Variants in DMXL1 observed in about 807,000 individuals in gnomAD.
DMXL1 encodes Dmx like 1.
A neutral mutation model predicts 319.2 loss-of-function variants in DMXL1; 99 were observed. The observed-to-expected ratio is 0.31, with a 90% CI of 0.26 to 0.37. The LOEUF (loss-of-function observed/expected upper bound fraction) is 0.37, where lower values mean the gene tolerates loss of function less well. Ranked by LOEUF, DMXL1 falls within the 10% of genes least tolerant of loss-of-function variation. DMXL1 has a pLI of 1.00. For synonymous variants in DMXL1, 1,385 were observed against 1,235.2 expected (o/e 1.12, Z -2.54); for missense variants, 3,745 against 3,595.6 (o/e 1.04, Z -1.06).
intron 28 of DMXL1, among the ~76,000 whole-genome samples, chr5:119,182,555 A>G (rs901971924): frequency 5.3e-5 from 8 of 152,128 alleles, no homozygotes; most frequent in African/African-American, 1.7e-4. Context: ...CATGAACTAG[A>G]TTATATTTCT....
At position 119,177,409 on chromosome 5, in the gene DMXL1, C is replaced by T; in HGVS notation, c.6811C>T (p.Pro2271Ser). Reference sequence around the variant, plus strand: ...AATGGTATATCAGACAGTACTGCTTCCTCATCGACCTTCTTTGAAAACAGG... The same window carrying T: ...AATGGTATATCAGACAGTACTGCTTTCTCATCGACCTTCTTTGAAAACAGG... ...TGMVYQTVLLPHRPSLKTGSL... is the reference protein window; with the variant it reads ...TGMVYQTVLLSHRPSLKTGSL... The change falls in exon 27 of 44, where the codon CCT becomes TCT. Residue 2271 changes from proline to serine, a missense_variant. This residue lies in a region of DMXL1 where 1,382 missense variants were observed against 1,269.5 expected (regional missense o/e 1.09). Coordinates refer to ENST00000539542, the MANE Select transcript of DMXL1 (RefSeq NM_001290321.3). 1 of 1,608,800 alleles carries T rather than the reference C, an allele frequency of 6.2e-7. No homozygotes were observed. The highest frequency in any genetic ancestry group is 8.5e-7 in the Non-Finnish European group (1 of 1,176,782).
chr5:119,086,337 G>A (rs183954793), intron 1 of DMXL1, among the ~76,000 whole-genome samples: 1 of 152,288 alleles, frequency 6.6e-6, no homozygotes, highest in East Asian at 1.9e-4. Flanking sequence ...TTTGGGTGGG[G>A]ACACAGAGCC....
rs534347639 is a variant in DMXL1 at position 119,197,094 on chromosome 5, G to T, written c.7543+638G>T. On this transcript the variant is annotated intron_variant, in intron 31 of 43. Coordinates refer to ENST00000539542, the MANE Select transcript of DMXL1 (RefSeq NM_001290321.3). ...GATCAGTACTCAAGAGTATGGATGG[G>T]CAGAACTGCTAAGTGCTGAGTTCCA... Among the ~76,000 whole-genome samples the T allele has an allele frequency of 3.6e-4, 55 of 152,278 alleles. 1 individual carries two copies. In the South Asian group the frequency reaches 0.011, roughly 30 times the overall value.
chr5:119,185,396 T>C (rs139987762), intron 28 of DMXL1, among the ~76,000 whole-genome samples: 181 of 152,292 alleles, frequency 1.2e-3, no homozygotes, highest in African/African-American at 4.1e-3. Context: ...TTTATAGATA[T>C]TTATGGAGCC....
chr5:119,095,310 A>G (rs1047164123), intron 1 of DMXL1, among the ~76,000 whole-genome samples: 7 of 152,236 alleles, frequency 4.6e-5, no homozygotes, highest in Admixed American at 4.6e-4. Flanking sequence ...AAGTCATTGA[A>G]TGATGAAGTG....
chr5:119,197,728 T>A, intron 31 of DMXL1, 27 bp from the exon 32 acceptor site: 4 of 1,607,558 alleles, frequency 2.5e-6, no homozygotes, highest in Non-Finnish European at 3.4e-6. Flanking sequence ...TGCATAAGAT[T>A]AATATGAGTC....
intron 5 of DMXL1, among the ~76,000 whole-genome samples, chr5:119,112,905 G>A (rs1190200037): frequency 1.3e-5 from 2 of 151,210 alleles, no homozygotes; most frequent in South Asian, 2.1e-4. Context: ...ACAATGAGCC[G>A]AGATCACACC....
intron 9 of DMXL1, among the ~76,000 whole-genome samples, chr5:119,123,255 A>C (rs1325365273): frequency 6.6e-6 from 1 of 151,482 alleles, no homozygotes; most frequent in Non-Finnish European, 1.5e-5. Context: ...TGGCGGCAGT[A>C]CAGTCCAGCT....
chr5:119,168,742 C>G (rs1773946127), intron 23 of DMXL1, among the ~76,000 whole-genome samples: 1 of 151,880 alleles, frequency 6.6e-6, no homozygotes, highest in African/African-American at 2.4e-5. Flanking sequence ...AAATTAGACA[C>G]AGTATCTTGC....
intron 34 of DMXL1, among the ~76,000 whole-genome samples, chr5:119,212,970 T>C (rs1014871401): frequency 1.3e-5 from 2 of 152,112 alleles, no homozygotes; most frequent in African/African-American, 4.8e-5. Flanking sequence ...TTCCCAAACC[T>C]TCTTAAACCC....
chr5:119,143,848 TTGG>T lies in DMXL1; in HGVS notation c.2387_2389del (p.Gly796del), dbSNP rs1561707219. 1 of 1,573,208 alleles carries T rather than the reference TTGG, an allele frequency of 6.4e-7. No individual in the cohort carries two copies. Among genetic ancestry groups the T allele is most frequent in the Non-Finnish European group, 8.6e-7 (1 of 1,161,130 alleles). On this transcript the variant is annotated inframe_deletion, in exon 14 of 44. Transcript: ENST00000539542. ...TTTTTTTAAAAAAAACAGAAATATG[TTGG>T]TGAAGTCTTTAACATCGTCAGTCAA... is the stretch of plus-strand genomic sequence containing the variant.
rs185857397 is a variant in DMXL1, at chr5:119,194,108, G to A, written c.7457+138G>A. ...AACCCAGATTTCTTTAGTTGAAATT[G>A]TTAAATTCCTTTCCTTAACAATAAT... On this transcript the variant is annotated intron_variant, in intron 30 of 43. Coordinates refer to ENST00000539542, the MANE Select transcript of DMXL1 (RefSeq NM_001290321.3). 2.2e-5 allele frequency: 12 copies of A among 556,616 alleles called. No individual in the cohort carries two copies. In the East Asian group the frequency reaches 4.0e-4, roughly 18 times the overall value. The allele number at this position is 556,616 out of a possible 1,614,324, so 34.5% of individuals were successfully genotyped here.
At position 119,151,958 on chromosome 5, in the gene DMXL1, A is replaced by C; in HGVS notation, c.4624A>C (p.Lys1542Gln). The C allele has an allele frequency of 6.2e-7, 1 of 1,613,086 alleles. No individual in the cohort carries two copies. Among genetic ancestry groups the C allele is most frequent in the Non-Finnish European group, 8.5e-7 (1 of 1,179,462 alleles). ...AGAAACTCTTGATGAATGTGGGTTAAAATTTCTTTTGGCTGTTCGACTCCA... is the reference window on the plus strand; with the variant it reads ...AGAAACTCTTGATGAATGTGGGTTACAATTTCTTTTGGCTGTTCGACTCCA... The part of the protein sequence containing the change: ...GGETLDECGL[K>Q]FLLAVRLHTF... The change falls in exon 19 of 44, where the codon AAA (lysine) becomes CAA (glutamine). Residue 1542 changes from lysine (K) to glutamine (Q), a missense_variant. Coordinates refer to ENST00000539542, the MANE Select transcript of DMXL1 (RefSeq NM_001290321.3).
chr5:119,221,026 C>G lies in DMXL1; in HGVS notation c.8222C>G (p.Thr2741Ser). 1 of 1,613,870 alleles carries G rather than the reference C, an allele frequency of 6.2e-7. No homozygotes were observed. The highest frequency in any genetic ancestry group is 8.5e-7 in the Non-Finnish European group (1 of 1,179,848). Residue 2741 changes from threonine to serine, a missense_variant, in exon 37 of 44, where the codon ACT becomes AGT. Around this residue, in one of 4 missense-constraint regions of DMXL1, gnomAD observed 1,382 missense variants for 1,269.5 expected, o/e 1.09. Coordinates refer to ENST00000539542, the MANE Select transcript of DMXL1 (RefSeq NM_001290321.3). Reference sequence around the variant, plus strand: ...CCATATACACATAGCAATCCTGGCACTCCAATCAACATGCCATGGCTTGGT... The same window carrying G: ...CCATATACACATAGCAATCCTGGCAGTCCAATCAACATGCCATGGCTTGGT... ...TTPYTHSNPGTPINMPWLGST... is the reference protein window; with the variant it reads ...TTPYTHSNPGSPINMPWLGST...
At position 119,085,236 on chromosome 5, in the gene DMXL1, C is replaced by T. The variant is rs547809970; in HGVS notation, c.88-12743C>T. 1.8e-4 allele frequency among the ~76,000 whole-genome samples: 28 copies of T among 151,872 alleles called. No homozygotes were observed. The South Asian group carries it at 5.4e-3, about 29-fold the overall frequency. On this transcript the variant is annotated intron_variant, in intron 1 of 43. Coordinates refer to ENST00000539542, the MANE Select transcript of DMXL1 (RefSeq NM_001290321.3). Reference sequence around the variant, plus strand: ...GTCCTAGCTACTCGTGAGACTGAGGCGTGAGAATCGCTTGAACCCGGGAGG... The same window carrying T: ...GTCCTAGCTACTCGTGAGACTGAGGTGTGAGAATCGCTTGAACCCGGGAGG...
chr5:119,165,090 C>A, intron 20 of DMXL1, 93 bp from the exon 21 acceptor site: 1 of 715,930 alleles, frequency 1.4e-6, no homozygotes, highest in Non-Finnish European at 2.4e-6. Flanking sequence ...TTTTATTAAA[C>A]ATTCAATGGA....
chr5:119,151,944 A>G lies in DMXL1; in HGVS notation c.4610A>G (p.Asp1537Gly). 1 of 1,612,202 alleles carries G rather than the reference A, an allele frequency of 6.2e-7. No individual in the cohort carries two copies. The highest frequency in any genetic ancestry group is 1.1e-5 in the South Asian group (1 of 90,974). ...CCCATTGCAGGTGGAGAAACTCTTG[A>G]TGAATGTGGGTTAAAATTTCTTTTG... is the stretch of plus-strand genomic sequence containing the variant. The part of the protein sequence containing the change: ...RDRSQGGETL[D>G]ECGLKFLLAV... The change falls in exon 19 of 44, where the codon GAT becomes GGT. Residue 1537 changes from aspartate to glycine, a missense_variant. Asp to Gly is a moderately conservative substitution (Grantham distance 94, BLOSUM62 -1). Transcript: ENST00000539542.
At chr5:119,172,109 C>A (rs948675249) in intron 25 of DMXL1, 140 bp downstream of exon 25, 3 of 746,688 alleles carry the variant, frequency 4.0e-6, no homozygotes, top group African/African-American at 3.7e-5. Context: ...TATGTTGATT[C>A]CTATTAAAGA....
chr5:119,183,213 A>G (rs185947187), intron 28 of DMXL1, among the ~76,000 whole-genome samples: 4 of 152,328 alleles, frequency 2.6e-5, no homozygotes, highest in East Asian at 1.9e-4. Context: ...GCTTTTTCTT[A>G]TAAAACTTGT....
Sources: allele counts gnomAD v4.1 joint callset (sites outside exome capture counted in the v4.1 genomes callset), GRCh38; gene constraint gnomAD v4.1.1; regional missense constraint gnomAD v4.1.1; transcripts MANE v1.5; gene names NCBI Gene and HGNC (gene_info 2026-07-23, HGNC 2026-07-21).